The following COL22A1 variants were observed in gnomAD, a reference collection of about 807,000 sequenced individuals.
COL22A1 encodes the protein collagen alpha-1(XXII) chain.
In COL22A1, 221 loss-of-function variants were observed where a neutral mutation model predicts 248.9. The observed-to-expected ratio is 0.89, with a 90% CI of 0.80 to 0.99. The LOEUF is 0.99. Ranked by LOEUF, COL22A1 falls within the 50% of genes least tolerant of loss-of-function variation. COL22A1 has a pLI of 0.00. For missense variants in COL22A1, 2,240 were observed against 2,179.0 expected (o/e 1.03, Z -0.56); for synonymous variants, 891 against 793.4 (o/e 1.12, Z -2.07).
chr8:138,694,219 G>A (rs1362521935), intron 34 of COL22A1, among the ~76,000 whole-genome samples: 2 of 152,172 alleles, frequency 1.3e-5, no homozygotes, highest in Non-Finnish European at 2.9e-5. Context: ...TCCAGATCCC[G>A]CTGAGCAGGA....
chr8:138,604,561 G>T (rs949433885), intron 59 of COL22A1, among the ~76,000 whole-genome samples, 173 bp downstream of exon 59: 34 of 152,188 alleles, frequency 2.2e-4, no homozygotes, highest in Admixed American at 9.2e-4. Flanking sequence ...TGGGGCTCCG[G>T]GCAAAATTAA....
chr8:138,906,277 G>C (rs1351344574), intron 1 of COL22A1, among the ~76,000 whole-genome samples: 1 of 151,892 alleles, frequency 6.6e-6, no homozygotes, highest in Non-Finnish European at 1.5e-5. Context: ...GGCTGAGGCA[G>C]GAGAATGGCG....
intron 50 of COL22A1, among the ~76,000 whole-genome samples, chr8:138,630,343 T>C (rs79787008): frequency 0.064 from 9,739 of 152,242 alleles, 740 homozygotes; most frequent in African/African-American, 0.18. Flanking sequence ...GAGTTAGCAC[T>C]GAGCCTTTCC....
intron 3 of COL22A1, among the ~76,000 whole-genome samples, chr8:138,859,601 G>A (rs374719986): frequency 9.2e-5 from 14 of 152,192 alleles, no homozygotes; most frequent in East Asian, 7.7e-4. Context: ...ACTGGGCACA[G>A]GGCTGAGACC....
intron 57 of COL22A1, 101 bp from the exon 58 acceptor site, chr8:138,606,553 T>A: frequency 1.8e-6 from 2 of 1,118,708 alleles, no homozygotes; most frequent in Non-Finnish European, 2.6e-6. Context: ...GCCTGAGACA[T>A]CCACACAACA....
chr8:138,818,876 G>T (rs1449394834), intron 7 of COL22A1, among the ~76,000 whole-genome samples: 2 of 152,116 alleles, frequency 1.3e-5, no homozygotes, highest in Non-Finnish European at 2.9e-5. Context: ...AACAAACAGG[G>T]TGTGATTCCC....
chr8:138,878,790 G>A (rs543809665), intron 2 of COL22A1, among the ~76,000 whole-genome samples: 2 of 152,126 alleles, frequency 1.3e-5, no homozygotes, highest in African/African-American at 4.8e-5. Context: ...GGTGGATCAC[G>A]AGGTCAGGAG....
chr8:138,660,480 C>T lies in COL22A1; in HGVS notation c.3241G>A (p.Gly1081Ser). 1 of 1,613,472 alleles carries T rather than the reference C, an allele frequency of 6.2e-7. No homozygotes were observed. The highest frequency in any genetic ancestry group is 1.1e-5 in the South Asian group (1 of 91,052). The stretch of plus-strand genomic sequence containing the variant: ...CTTTCTCCTGGATTTCCTGGTGCAC[C>T]CTAAGAGAAGAAGGAAATAAAACAT... ...PGPQGPAGRD[G>S]APGNPGERGP... Residue 1081 changes from glycine (G) to serine (S), a missense_variant and splice_region_variant, in exon 44 of 65, where the codon GGT (glycine) becomes AGT (serine). By Grantham distance (56) the Gly-to-Ser change is moderately conservative. Transcript: ENST00000303045.
At chr8:138,599,395 C>T (rs1376571617) in intron 60 of COL22A1, among the ~76,000 whole-genome samples, 3 of 152,138 alleles carry the variant, frequency 2.0e-5, no homozygotes, top group Non-Finnish European at 2.9e-5. Flanking sequence ...AGGAGAATGG[C>T]GTGAACCCGG....
At chr8:138,808,206 G>A (rs1817893810) in intron 9 of COL22A1, among the ~76,000 whole-genome samples, 1 of 152,212 alleles carries the variant, frequency 6.6e-6, no homozygotes, top group Admixed American at 6.5e-5. Flanking sequence ...AAGACTACAT[G>A]CCTCAGACAG....
rs147818620 is a variant in COL22A1, at chr8:138,812,978, G to A, written c.1287C>T (p.His429=). 1.7e-4 allele frequency: 273 copies of A among 1,613,886 alleles called. 1 individual carries two copies. Among genetic ancestry groups the A allele is most frequent in the South Asian group, 8.5e-4 (77 of 91,062 alleles). ...TATCACAACAAGTCTCCAATTCTGC[G>A]TGTCTCGAGTCACAATAGATCACAA... ...QRIVIYCDSR[H]AELETCCDIP... Residue 429 remains histidine (H), a synonymous_variant, in exon 8 of 65, where the codon CAC becomes CAT. Transcript: ENST00000303045.
intron 27 of COL22A1, among the ~76,000 whole-genome samples, chr8:138,717,863 G>A (rs62527954): frequency 0.096 from 14,655 of 152,206 alleles, 852 homozygotes; most frequent in Non-Finnish European, 0.13. Flanking sequence ...TGGTGAGCGC[G>A]GACTATCATC....
chr8:138,797,323 A>G (rs1816634723), intron 11 of COL22A1, among the ~76,000 whole-genome samples: 1 of 152,200 alleles, frequency 6.6e-6, no homozygotes. Context: ...TCTCTTCTGT[A>G]CATTTTTTAT....
intron 27 of COL22A1, among the ~76,000 whole-genome samples, chr8:138,719,586 T>C (rs1829711547): frequency 6.6e-6 from 1 of 152,196 alleles, no homozygotes; most frequent in South Asian, 2.1e-4. Flanking sequence ...CTTTTAAAAA[T>C]GACCACTTTA....
intron 3 of COL22A1, among the ~76,000 whole-genome samples, chr8:138,870,905 A>G (rs1823290135): frequency 6.6e-6 from 1 of 151,088 alleles, no homozygotes; most frequent in Admixed American, 6.6e-5. Flanking sequence ...AGGGTGTGTG[A>G]TGTGCCTGGT....
At chr8:138,912,568 G>A (rs868784111) in intron 1 of COL22A1, among the ~76,000 whole-genome samples, 8 of 152,066 alleles carry the variant, frequency 5.3e-5, no homozygotes, top group African/African-American at 9.7e-5. Flanking sequence ...TGGAGAAACC[G>A]CATCTCTACT....
At chr8:138,912,818 G>T (rs954650239) in intron 1 of COL22A1, among the ~76,000 whole-genome samples, 5 of 152,294 alleles carry the variant, frequency 3.3e-5, no homozygotes, top group Admixed American at 3.3e-4. Context: ...TTCTGAGGAG[G>T]GGGACCCGGC....
At chr8:138,634,246 T>A (rs187846782) in intron 49 of COL22A1, among the ~76,000 whole-genome samples, 84 of 152,322 alleles carry the variant, frequency 5.5e-4, no homozygotes, top group African/African-American at 1.9e-3. Context: ...CTTTTCACTA[T>A]ACTTTCAAAC....
intron 31 of COL22A1, among the ~76,000 whole-genome samples, chr8:138,701,363 G>A (rs910452416): frequency 3.9e-5 from 6 of 152,160 alleles, no homozygotes; most frequent in African/African-American, 9.6e-5. Context: ...GCACGGGCCC[G>A]AAAGAAGCAG....
Sources: gnomAD v4.1 joint callset for allele counts (sites outside exome capture counted in the v4.1 genomes callset) on GRCh38, gnomAD v4.1.1 for gene constraint, MANE v1.5 for transcripts, NCBI Gene and HGNC (gene_info 2026-07-23, HGNC 2026-07-21) for gene names.